The following STAB2 variants were observed in gnomAD, a reference collection of about 807,000 sequenced individuals.
STAB2 encodes the protein stabilin 2, also known as stabilin-2.
A neutral mutation model predicts 338.1 loss-of-function variants in STAB2; 288 were observed. The ratio of observed to expected loss-of-function variants is 0.85; its 90% CI spans 0.77 to 0.94. The LOEUF is 0.94. STAB2 is among the 40% of genes least tolerant of loss of function. STAB2 has a pLI of 0.00. For missense variants in STAB2, 3,141 were observed against 3,210.1 expected (o/e 0.98, Z 0.52); for synonymous variants, 1,202 against 1,193.3 (o/e 1.01, Z -0.15).
rs1248004736 is a variant in STAB2, at chr12:103,640,262, T to C, written c.1040+6T>C. ...GTCGCACCAGGCCGAACTGAGTAAG[T>C]CTTTTCAATTCCTCCACCAACATTT... On this transcript the variant is annotated splice_donor_region_variant and intron_variant, in intron 9 of 68. Coordinates refer to ENST00000388887, the MANE Select transcript of STAB2 (RefSeq NM_017564.10). 2 of 1,605,524 alleles carry C rather than the reference T, an allele frequency of 1.2e-6. No homozygotes were observed. The highest frequency in any genetic ancestry group is 4.5e-5 in the East Asian group (2 of 44,734).
rs534726504 is a variant in STAB2 at position 103,659,873 on chromosome 12, C to T, written c.1735-458C>T. Among the ~76,000 whole-genome samples the T allele has an allele frequency of 5.3e-5, 8 of 152,310 alleles. No homozygotes were observed. The South Asian group carries it at 1.0e-3, about 20-fold the overall frequency. On this transcript the variant is annotated intron_variant, in intron 15 of 68. Coordinates refer to ENST00000388887, the MANE Select transcript of STAB2 (RefSeq NM_017564.10). ...ACCTGTATGTGGTCTGACAAACAGA[C>T]GTTTATTTATGGAGCAAATGGAACA...
intron 40 of STAB2, among the ~76,000 whole-genome samples, chr12:103,711,773 C>G (rs985006966): frequency 6.6e-6 from 1 of 152,190 alleles, no homozygotes; most frequent in African/African-American, 2.4e-5. Context: ...TCCAAGCTAC[C>G]AGGACTCATG....
Position 103,674,061 on chromosome 12 carries a change from C to T in STAB2, c.2526C>T (p.Thr842=), listed in dbSNP as rs760566821. 5 of 1,612,828 alleles carry T rather than the reference C, an allele frequency of 3.1e-6. No homozygotes were observed. The Admixed American group carries it at 6.7e-5, about 21-fold the overall frequency. The stretch of plus-strand genomic sequence containing the variant: ...TGCAGTTCTGTCACATCCACGCCAC[C>T]TGTGAATACAGCAATGGGACAGCCA... ...PYVQFCHIHA[T]CEYSNGTASC... The change falls in exon 23 of 69, where the codon ACC becomes ACT. Residue 842 remains threonine (T), a synonymous_variant. Coordinates refer to ENST00000388887, the MANE Select transcript of STAB2 (RefSeq NM_017564.10).
At position 103,690,448 on chromosome 12, in the gene STAB2, C is replaced by G; in HGVS notation, c.3207C>G (p.Tyr1069Ter). The G allele has an allele frequency of 6.2e-7, 1 of 1,614,044 alleles. No homozygotes were observed. Among genetic ancestry groups the G allele is most frequent in the Non-Finnish European group, 8.5e-7 (1 of 1,179,916 alleles). Reference protein sequence around the residue: ...LIKYHMLLGTYRVADLQTLSS... With the variant: ...LIKYHMLLGT ...GGTACCATATGCTACTAGGCACATA[C>G]AGAGTGGCAGATCTGCAGACCCTGT... The change falls in exon 30 of 69, where the codon TAC becomes TAG. Residue 1069 changes from tyrosine (Y) to a stop codon, truncating the protein, a stop_gained. Coordinates refer to ENST00000388887, the MANE Select transcript of STAB2 (RefSeq NM_017564.10). LOFTEE classifies it high-confidence loss of function.
At chr12:103,663,079 A>C in intron 18 of STAB2, 81 bp downstream of exon 18, 1 of 1,533,214 alleles carries the variant, frequency 6.5e-7, no homozygotes, top group Non-Finnish European at 8.8e-7. Context: ...AATTCTGAGA[A>C]AGGTGTCAAA....
At chr12:103,753,503 T>C (rs1381252579) in intron 61 of STAB2, 150 bp downstream of exon 61, 1 of 1,055,598 alleles carries the variant, frequency 9.5e-7, no homozygotes, top group African/African-American at 1.6e-5. Flanking sequence ...ACCATGTCCA[T>C]TTATTGGGCA....
At chr12:103,721,620 T>C (rs1286823447) in intron 44 of STAB2, among the ~76,000 whole-genome samples, 1 of 152,170 alleles carries the variant, frequency 6.6e-6, no homozygotes, top group Non-Finnish European at 1.5e-5. Flanking sequence ...AAGAAGACCA[T>C]GTAAAAGACT....
chr12:103,728,705 A>G (rs1308887944), intron 47 of STAB2, 144 bp from the exon 48 acceptor site: 1 of 1,036,482 alleles, frequency 9.6e-7, no homozygotes, highest in Non-Finnish European at 1.4e-6. Context: ...CCTCCACTCT[A>G]TAATCCTGAC....
intron 15 of STAB2, chr12:103,657,810 C>T (rs1393039007): frequency 6.6e-6 from 1 of 152,190 alleles, no homozygotes; most frequent in Non-Finnish European, 1.5e-5. Context: ...TTTTTCTCAA[C>T]CTATAGGAAG....
intron 18 of STAB2, 147 bp downstream of exon 18, chr12:103,663,145 C>A (rs1874769135): frequency 2.0e-6 from 2 of 1,011,970 alleles, no homozygotes; most frequent in Non-Finnish European, 2.8e-6. Context: ...CATGAAGATG[C>A]AGGTGGATCT....
At chr12:103,765,947 G>C (rs970991087) in intron 68 of STAB2, 1 of 396,888 alleles carries the variant, frequency 2.5e-6, no homozygotes, top group African/African-American at 2.1e-5. Flanking sequence ...GCCACCTTTT[G>C]TGAGGTGCTT....
rs187469469 is a variant in STAB2, at chr12:103,653,770, G to A, written c.1408-785G>A. On this transcript the variant is annotated intron_variant, in intron 12 of 68. Coordinates refer to ENST00000388887, the MANE Select transcript of STAB2 (RefSeq NM_017564.10). ...TGAATGGATGGATGGATGGACGGAT[G>A]GATGGATGGATACATGGATAGGTCA... is the stretch of plus-strand genomic sequence containing the variant. Among the ~76,000 whole-genome samples, 5 of 151,626 alleles carry A rather than the reference G, an allele frequency of 3.3e-5. No individual in the cohort carries two copies. In the East Asian group the frequency reaches 9.8e-4, roughly 30 times the overall value.
chr12:103,749,235 C>A, intron 59 of STAB2, 79 bp downstream of exon 59: 1 of 1,417,632 alleles, frequency 7.1e-7, no homozygotes, highest in South Asian at 1.4e-5. Context: ...CTCCCATACT[C>A]TGCTTATCTC....
chr12:103,715,762 A>G (rs147948106), intron 42 of STAB2, 53 bp from the exon 43 acceptor site: 2 of 1,607,570 alleles, frequency 1.2e-6, no homozygotes, highest in African/African-American at 1.3e-5. Flanking sequence ...AGCTGGCTTC[A>G]CTTGGAAACC....
At chr12:103,759,445 G>A (rs918862781) in intron 65 of STAB2, among the ~76,000 whole-genome samples, 172 bp downstream of exon 65, 1 of 152,226 alleles carries the variant, frequency 6.6e-6, no homozygotes, top group African/African-American at 2.4e-5. Flanking sequence ...CAATTGGGCA[G>A]CCCCTACCCC....
intron 51 of STAB2, 112 bp downstream of exon 51, chr12:103,733,294 A>G: frequency 7.7e-7 from 1 of 1,291,000 alleles, no homozygotes; most frequent in Admixed American, 1.9e-5. Context: ...TCACCACTGT[A>G]TGCAGGAAGC....
At chr12:103,722,229 A>C (rs996734571) in intron 44 of STAB2, among the ~76,000 whole-genome samples, 12 of 152,230 alleles carry the variant, frequency 7.9e-5, no homozygotes, top group African/African-American at 2.9e-4. Flanking sequence ...AGAAGTACTT[A>C]CGGAGAAGCC....
chr12:103,696,398 T>G (rs1289708240), intron 33 of STAB2, among the ~76,000 whole-genome samples: 1 of 152,160 alleles, frequency 6.6e-6, no homozygotes, highest in African/African-American at 2.4e-5. Flanking sequence ...CAAATGTGTC[T>G]TCTCATGTGG....
intron 51 of STAB2, among the ~76,000 whole-genome samples, chr12:103,734,705 A>G (rs1234785225): frequency 6.6e-6 from 1 of 152,134 alleles, no homozygotes; most frequent in Middle Eastern, 3.2e-3. Flanking sequence ...ATCACAAATT[A>G]CCACAAGCTG....
Sources: gnomAD v4.1 joint callset for allele counts (sites outside exome capture counted in the v4.1 genomes callset) on GRCh38, gnomAD v4.1.1 for gene constraint, MANE v1.5 for transcripts, NCBI Gene and HGNC (gene_info 2026-07-23, HGNC 2026-07-21) for gene names.